ARHGEF4: variants seen among roughly 807,000 people sequenced by gnomAD.
ARHGEF4 encodes Rho guanine nucleotide exchange factor 4.
In ARHGEF4, 119 loss-of-function variants were observed where a neutral mutation model predicts 162.0. That is an observed-to-expected ratio of 0.73 (90% CI 0.63 to 0.86). The LOEUF is 0.86. ARHGEF4 is among the 40% of genes least tolerant of loss of function. ARHGEF4 has a pLI of 0.00. For synonymous variants in ARHGEF4, 1,014 were observed against 979.9 expected (o/e 1.03, Z -0.65); for missense variants, 2,488 against 2,456.0 (o/e 1.01, Z -0.28).
chr2:130,907,767 T>C (rs1048253170), intron 1 of ARHGEF4, among the ~76,000 whole-genome samples: 8 of 151,544 alleles, frequency 5.3e-5, no homozygotes, highest in African/African-American at 1.5e-4. Context: ...TCCTGGCTAA[T>C]AACATGGTGA....
chr2:130,988,889 T>TAGAGAG (rs1397983934), intron 4 of ARHGEF4, among the ~76,000 whole-genome samples: 6 of 116,422 alleles, frequency 5.2e-5, no homozygotes, highest in African/African-American at 1.2e-4. Flanking sequence ...TATATATATA[T>TAGAGAG]ATATATATAT....
At chr2:131,042,346 C>T (rs912942128) in intron 10 of ARHGEF4, among the ~76,000 whole-genome samples, 50 of 152,346 alleles carry the variant, frequency 3.3e-4, no homozygotes, top group Non-Finnish European at 6.5e-4. Context: ...AAAAATGCAT[C>T]GCCACCCATC....
rs539637719 is a variant in ARHGEF4 at position 131,039,801 on chromosome 2, T to A, written c.4306-215T>A. 3.6e-6 allele frequency: 5 copies of A among 1,407,048 alleles called. No homozygotes were observed. In the South Asian group the frequency reaches 7.8e-5, roughly 22 times the overall value. 87.2% of individuals were successfully genotyped at this position (1,407,048 alleles called of 1,614,324 possible). On this transcript the variant is annotated intron_variant, in intron 6 of 13. Transcript: ENST00000409359. ...GAAGGAGGCCAAATCGGTATTCGGATCACACTGACGGCGGCTGCGGGCGTC... is the reference window on the plus strand; with the variant it reads ...GAAGGAGGCCAAATCGGTATTCGGAACACACTGACGGCGGCTGCGGGCGTC...
At chr2:130,837,824 A>G (rs1217937113) in intron 1 of ARHGEF4, 4 of 63,384 alleles carry the variant, frequency 6.3e-5, no homozygotes, top group African/African-American at 1.1e-4. Flanking sequence ...CTGCAGGTCC[A>G]GGGGGAGGCA....
In ARHGEF4 at chr2:131,040,447, G is replaced by T; in HGVS notation, c.4662+7G>T. 1 of 1,562,900 alleles carries T rather than the reference G, an allele frequency of 6.4e-7. No homozygotes were observed. Among genetic ancestry groups the T allele is most frequent in the South Asian group, 1.2e-5 (1 of 84,940 alleles). ...TGCCTGCTTCCTGGAGCATGTGAGC[G>T]CGCGGCCCCCGGCCCCTACCTGGGC... is the stretch of plus-strand genomic sequence containing the variant. On this transcript the variant is annotated splice_region_variant and intron_variant, in intron 8 of 13. Transcript: ENST00000409359.
chr2:130,919,078 T>C (rs1032268530), intron 2 of ARHGEF4, among the ~76,000 whole-genome samples: 7 of 152,148 alleles, frequency 4.6e-5, no homozygotes, highest in African/African-American at 1.7e-4. Flanking sequence ...GCATCTTTCT[T>C]GCTTGCTTAA....
chr2:130,917,207 C>T lies in ARHGEF4; in HGVS notation c.3261C>T (p.Cys1087=). 6.4e-7 allele frequency: 1 copy of T among 1,550,544 alleles called. No individual in the cohort carries two copies. Among genetic ancestry groups the T allele is most frequent in the Non-Finnish European group, 8.7e-7 (1 of 1,146,978 alleles). Residue 1087 remains cysteine (C), a synonymous_variant, in exon 2 of 14, where the codon TGC becomes TGT. Coordinates refer to ENST00000409359, the MANE Select transcript of ARHGEF4 (RefSeq NM_001367493.1). ...CLAYENPGTP[C]RPTSPKPLSP... is the part of the protein sequence containing the mutation. Reference sequence around the variant, plus strand: ...CATATGAAAACCCCGGGACGCCCTGCAGACCCACGAGCCCCAAGCCCCTGA... The same window carrying T: ...CATATGAAAACCCCGGGACGCCCTGTAGACCCACGAGCCCCAAGCCCCTGA...
At chr2:130,979,502 G>A (rs573439756) in intron 4 of ARHGEF4, among the ~76,000 whole-genome samples, 37 of 152,206 alleles carry the variant, frequency 2.4e-4, no homozygotes, top group South Asian at 1.0e-3. Flanking sequence ...TTGGGAGGCC[G>A]AGGTGGGCAG....
At chr2:131,024,284 G>A (rs963320139) in intron 4 of ARHGEF4, among the ~76,000 whole-genome samples, 2 of 152,096 alleles carry the variant, frequency 1.3e-5, no homozygotes, top group African/African-American at 4.8e-5. Context: ...TTTTGGGCGG[G>A]GGGTGTTTTG....
chr2:130,926,810 ATTTTTTTTTTT>A (rs55904944), intron 2 of ARHGEF4, among the ~76,000 whole-genome samples: 10 of 48,948 alleles, frequency 2.0e-4, no homozygotes, highest in Admixed American at 4.5e-4. Flanking sequence ...CTTCTGGCTG[ATTTTTTTTTTT>A]TTTTTTTTTT....
intron 4 of ARHGEF4, 74 bp from the exon 5 acceptor site, chr2:131,027,871 T>C (rs1235678516): frequency 6.4e-7 from 1 of 1,572,980 alleles, no homozygotes; most frequent in African/African-American, 1.3e-5. Context: ...CCCACTGGGC[T>C]CCTTCTCCAC....
At chr2:130,979,882 A>G (rs1264140676) in intron 4 of ARHGEF4, among the ~76,000 whole-genome samples, 5 of 152,094 alleles carry the variant, frequency 3.3e-5, no homozygotes, top group Admixed American at 6.6e-5. Flanking sequence ...ATAATATAAA[A>G]TGTTTACGCT....
chr2:131,046,411 C>T lies in ARHGEF4; in HGVS notation c.*222C>T, dbSNP rs985718524. 10 of 552,164 alleles carry T rather than the reference C, an allele frequency of 1.8e-5. No individual in the cohort carries two copies. The highest frequency in any genetic ancestry group is 2.6e-5 in the Non-Finnish European group (8 of 312,196). The allele number at this position is 552,164 out of a possible 1,614,324, so 34.2% of individuals were successfully genotyped here. ...CCAGCAAGGGGGCAGACCCCGCACT[C>T]GCCACACCGCCGCTGCAGCTTGGGC... On this transcript the variant is annotated 3_prime_UTR_variant, in exon 14 of 14. Coordinates refer to ENST00000409359, the MANE Select transcript of ARHGEF4 (RefSeq NM_001367493.1).
rs1031286320 is a variant in ARHGEF4, at chr2:130,855,068, C to T, written c.39+18076C>T. ...TTTTTTTTTGTATTTTTAGTAGAGA[C>T]GGGGTTTCACCATTCATAGGATGGC... On this transcript the variant is annotated intron_variant, in intron 1 of 13. Coordinates refer to ENST00000409359, the MANE Select transcript of ARHGEF4 (RefSeq NM_001367493.1). 4.0e-5 allele frequency among the ~76,000 whole-genome samples: 6 copies of T among 151,524 alleles called. No individual in the cohort carries two copies. The South Asian group carries it at 8.4e-4, about 21-fold the overall frequency.
chr2:130,848,107 G>A (rs1574089891), intron 1 of ARHGEF4, among the ~76,000 whole-genome samples: 1 of 152,318 alleles, frequency 6.6e-6, no homozygotes, highest in Non-Finnish European at 1.5e-5. Flanking sequence ...GGTGGGCTGT[G>A]GCTAGTCTCC....
intron 1 of ARHGEF4, among the ~76,000 whole-genome samples, chr2:130,870,189 T>C (rs1461074835): frequency 1.3e-5 from 2 of 152,150 alleles, no homozygotes; most frequent in African/African-American, 2.4e-5. Context: ...ATTGTTGCTT[T>C]TCCCTCTTGT....
At chr2:130,890,897 G>T (rs979691497) in intron 1 of ARHGEF4, among the ~76,000 whole-genome samples, 50 of 152,062 alleles carry the variant, frequency 3.3e-4, no homozygotes, top group Non-Finnish European at 1.0e-4. Flanking sequence ...GAAGAGATAA[G>T]AACACAGAGA....
chr2:130,853,614 C>G (rs1056054231), intron 1 of ARHGEF4, among the ~76,000 whole-genome samples: 3 of 152,210 alleles, frequency 2.0e-5, no homozygotes, highest in Non-Finnish European at 2.9e-5. Flanking sequence ...GTCCGTGGTC[C>G]TGGTGCCTGT....
intron 3 of ARHGEF4, among the ~76,000 whole-genome samples, chr2:130,937,154 T>TC (rs56342749): frequency 0.58 from 87,327 of 151,664 alleles, 29,540 homozygotes; most frequent in East Asian, 0.84. Context: ...CAGGTGATCT[T>TC]CCCCCCTCGG....
Sources: allele counts gnomAD v4.1 joint callset (sites outside exome capture counted in the v4.1 genomes callset), GRCh38; gene constraint gnomAD v4.1.1; transcripts MANE v1.5; gene names NCBI Gene and HGNC (gene_info 2026-07-23, HGNC 2026-07-21).